Variants in TAFA1 observed in about 807,000 individuals in gnomAD.
TAFA1 encodes chemokine-like protein TAFA-1.
Under a neutral mutation model 18.5 loss-of-function variants are expected in TAFA1, and 4 were observed. The observed-to-expected ratio is 0.22, with a 90% CI of 0.11 to 0.49. TAFA1 has a LOEUF of 0.49. Ranked by LOEUF, TAFA1 falls within the 20% of genes least tolerant of loss-of-function variation. The probability of loss-of-function intolerance (pLI) is 0.98; values close to 1 mark genes in which losing one functional copy is unlikely to be tolerated. For synonymous variants in TAFA1, 56 were observed against 55.2 expected (o/e 1.01, Z -0.06); for missense variants, 147 against 169.0 (o/e 0.87, Z 0.72).
chr3:68,360,438 G>A (rs561061327), intron 2 of TAFA1, among the ~76,000 whole-genome samples: 320 of 152,018 alleles, frequency 2.1e-3, no homozygotes, highest in Non-Finnish European at 2.3e-3. Flanking sequence ...TTTCATCATA[G>A]AGCAAGATGC....
intron 2 of TAFA1, among the ~76,000 whole-genome samples, chr3:68,380,518 GTGA>G (rs1470599584): frequency 6.6e-6 from 1 of 152,182 alleles, no homozygotes. Flanking sequence ...CTGATGGCCA[GTGA>G]TGATGAGCAT....
chr3:68,022,748 A>G (rs902501258), intron 2 of TAFA1, among the ~76,000 whole-genome samples: 2 of 149,434 alleles, frequency 1.3e-5, no homozygotes, highest in Non-Finnish European at 3.0e-5. Flanking sequence ...GTAGGAGAAG[A>G]CAAAGTGGAA....
chr3:68,012,079 T>C (rs979290491), intron 2 of TAFA1, among the ~76,000 whole-genome samples: 1 of 152,230 alleles, frequency 6.6e-6, no homozygotes, highest in South Asian at 2.1e-4. Context: ...TAAAGTTTAC[T>C]TAAGAAGACA....
intron 2 of TAFA1, among the ~76,000 whole-genome samples, chr3:68,387,147 C>G (rs181939059): frequency 6.6e-6 from 1 of 151,650 alleles, no homozygotes; most frequent in African/African-American, 2.4e-5. Context: ...AATCTCAAAT[C>G]TACAGCTTCA....
chr3:68,122,729 ATTTAT>A (rs2065416107), intron 2 of TAFA1, among the ~76,000 whole-genome samples: 1 of 152,192 alleles, frequency 6.6e-6, no homozygotes, highest in East Asian at 1.9e-4. Context: ...TAAATAAGAA[ATTTAT>A]TTTTATATGA....
chr3:68,240,848 C>T (rs748992313), intron 2 of TAFA1, among the ~76,000 whole-genome samples: 7 of 152,162 alleles, frequency 4.6e-5, no homozygotes, highest in East Asian at 1.9e-4. Context: ...GACATACCTC[C>T]TTTTATCAGT....
chr3:68,286,253 A>T (rs1051866095), intron 2 of TAFA1, among the ~76,000 whole-genome samples: 4 of 151,472 alleles, frequency 2.6e-5, no homozygotes, highest in Non-Finnish European at 4.4e-5. Flanking sequence ...AAAATTTTTT[A>T]AATTAAAAAT....
chr3:68,074,664 C>T (rs2064802553), intron 2 of TAFA1, among the ~76,000 whole-genome samples: 1 of 152,142 alleles, frequency 6.6e-6, no homozygotes, highest in Admixed American at 6.5e-5. Context: ...TATTAGGAAA[C>T]AGAGACTCAG....
At chr3:68,374,862 T>C (rs1254948988) in intron 2 of TAFA1, among the ~76,000 whole-genome samples, 1 of 152,196 alleles carries the variant, frequency 6.6e-6, no homozygotes, top group African/African-American at 2.4e-5. Flanking sequence ...ACTTTATCTC[T>C]ATACATTCTT....
chr3:68,090,267 A>G lies in TAFA1; in HGVS notation c.118+83523A>G, dbSNP rs1332652871. 2.0e-5 allele frequency among the ~76,000 whole-genome samples: 3 copies of G among 152,306 alleles called. No individual in the cohort carries two copies. The East Asian group carries it at 5.8e-4, about 29-fold the overall frequency. ...ATCAAACATTTATTCTGAGATGCTT[A>G]CAGATTCACGTGCACTTGTACAAAA... is the stretch of plus-strand genomic sequence containing the variant. On this transcript the variant is annotated intron_variant, in intron 2 of 4. Transcript: ENST00000478136.
At chr3:68,049,832 C>T (rs1021532609) in intron 2 of TAFA1, among the ~76,000 whole-genome samples, 19 of 152,144 alleles carry the variant, frequency 1.2e-4, no homozygotes, top group African/African-American at 4.3e-4. Context: ...TTTCCACCCT[C>T]AAATGGCTTT....
chr3:68,354,340 C>T (rs1300617029), intron 2 of TAFA1, among the ~76,000 whole-genome samples: 5 of 152,014 alleles, frequency 3.3e-5, no homozygotes, highest in East Asian at 3.9e-4. Flanking sequence ...CTTGACAGCT[C>T]GGAGAACAAA....
At chr3:68,145,728 A>G in intron 2 of TAFA1, 1 of 688,490 alleles carries the variant, frequency 1.5e-6, no homozygotes, top group Non-Finnish European at 2.6e-6. Context: ...TGGATGGCTT[A>G]AGCACCTCAG....
At chr3:68,388,822 A>C (rs531379894) in intron 2 of TAFA1, among the ~76,000 whole-genome samples, 63 of 152,236 alleles carry the variant, frequency 4.1e-4, no homozygotes, top group African/African-American at 1.4e-3. Context: ...TGGTGTTTTT[A>C]AACCTTAATA....
At chr3:68,479,791 T>C (rs1040476602) in intron 3 of TAFA1, among the ~76,000 whole-genome samples, 1 of 152,032 alleles carries the variant, frequency 6.6e-6, no homozygotes, top group African/African-American at 2.4e-5. Context: ...ATTAAATCAG[T>C]ACAAGGAGTA....
chr3:68,277,485 G>A (rs747376786), intron 2 of TAFA1, among the ~76,000 whole-genome samples: 5 of 152,020 alleles, frequency 3.3e-5, no homozygotes, highest in Non-Finnish European at 7.4e-5. Flanking sequence ...TGGAAAAGGG[G>A]GAAAAGCCAA....
chr3:68,409,990 T>C (rs2070682154), intron 2 of TAFA1, among the ~76,000 whole-genome samples: 1 of 152,164 alleles, frequency 6.6e-6, no homozygotes, highest in South Asian at 2.1e-4. Flanking sequence ...ATCTTCCTTA[T>C]TTCCTCACTT....
chr3:68,430,708 C>T (rs1424688967), intron 3 of TAFA1, among the ~76,000 whole-genome samples: 1 of 151,928 alleles, frequency 6.6e-6, no homozygotes, highest in Non-Finnish European at 1.5e-5. Context: ...ATACTACCAG[C>T]CTCCACACAT....
intron 2 of TAFA1, among the ~76,000 whole-genome samples, chr3:68,375,180 C>G (rs2069785228): frequency 6.6e-6 from 1 of 152,084 alleles, no homozygotes. Flanking sequence ...CCTCATTTTT[C>G]TCTCTGCTTT....
Sources: allele counts gnomAD v4.1 joint callset (sites outside exome capture counted in the v4.1 genomes callset), GRCh38; gene constraint gnomAD v4.1.1; transcripts MANE v1.5; gene names NCBI Gene and HGNC (gene_info 2026-07-23, HGNC 2026-07-21).